FRY: variants seen among roughly 807,000 people sequenced by gnomAD.
The protein encoded by FRY is FRY microtubule binding protein.
In FRY, 128 loss-of-function variants were observed where a neutral mutation model predicts 348.4. The ratio of observed to expected loss-of-function variants is 0.37; its 90% CI spans 0.32 to 0.43. The LOEUF is 0.43. Ranked by LOEUF, FRY falls within the 20% of genes least tolerant of loss-of-function variation. The pLI, the probability that FRY is intolerant of heterozygous loss-of-function variation, is 1.00. For missense variants in FRY, 2,736 were observed against 3,695.2 expected, an observed-to-expected ratio of 0.74 and a Z score of 6.73; for synonymous variants, 1,370 against 1,374.7, an observed-to-expected ratio of 1.00 and a Z score of 0.08.
At chr13:32,250,062 G>T (rs1886999362) in intron 49 of FRY, among the ~76,000 whole-genome samples, 1 of 152,180 alleles carries the variant, frequency 6.6e-6, no homozygotes, top group Non-Finnish European at 1.5e-5. Context: ...GACTCCCAAA[G>T]GGTTGATAGG....
intron 15 of FRY, among the ~76,000 whole-genome samples, chr13:32,156,872 A>T (rs939697952): frequency 3.3e-5 from 5 of 152,184 alleles, no homozygotes; most frequent in Admixed American, 6.5e-5. Flanking sequence ...TCAGAGGGCC[A>T]TATGGAGTTA....
At chr13:32,142,948 G>A (rs1219271414) in intron 11 of FRY, among the ~76,000 whole-genome samples, 4 of 152,154 alleles carry the variant, frequency 2.6e-5, no homozygotes, top group African/African-American at 9.7e-5. Context: ...CAGAGGATTG[G>A]GACAGGAGTA....
At chr13:32,106,002 A>G (rs765365342) in intron 3 of FRY, among the ~76,000 whole-genome samples, 1 of 150,352 alleles carries the variant, frequency 6.7e-6, no homozygotes, top group Non-Finnish European at 1.5e-5. Context: ...ATCTCACCTG[A>G]CATCACTCAG....
intron 17 of FRY, among the ~76,000 whole-genome samples, chr13:32,163,499 T>A (rs1881568229): frequency 6.6e-6 from 1 of 152,146 alleles, no homozygotes; most frequent in Non-Finnish European, 1.5e-5. Context: ...AGACATGTGG[T>A]TAGAGAGAGG....
At chr13:32,036,749 GA>G (rs796779111) in intron 1 of FRY, among the ~76,000 whole-genome samples, 3,548 of 130,406 alleles carry the variant, frequency 0.027, 112 homozygotes, top group African/African-American at 0.087. Flanking sequence ...CATTTTCGAT[GA>G]AAAAAAAAAA....
Position 32,218,755 on chromosome 13 carries a change from T to A in FRY, c.4689T>A (p.Ser1563Arg). 6.3e-7 allele frequency: 1 copy of A among 1,579,130 alleles called. No homozygotes were observed. Among genetic ancestry groups the A allele is most frequent in the Non-Finnish European group, 8.7e-7 (1 of 1,149,414 alleles). The change falls in exon 36 of 61, where the codon AGT becomes AGA. Residue 1563 changes from serine to arginine, a missense_variant. By Grantham distance (110) the Ser-to-Arg change is moderately radical. Around this residue, in one of 9 missense-constraint regions of FRY, gnomAD observed 794 missense variants for 977.0 expected, o/e 0.81. Transcript: ENST00000542859. Reference protein sequence around the residue: ...KILKESDERFSNVIRAHTRLE... With the variant: ...KILKESDERFRNVIRAHTRLE... ...GTTGTTCTTGTATTTGAAGGTTTAGTAATGTCATCAGAGCCCACACTCGCC... is the reference window on the plus strand; with the variant it reads ...GTTGTTCTTGTATTTGAAGGTTTAGAAATGTCATCAGAGCCCACACTCGCC...
At position 32,234,573 on chromosome 13, in the gene FRY, G is replaced by A. The variant is rs1566154707; in HGVS notation, c.5528-1G>A. 1 of 1,613,626 alleles carries A rather than the reference G, an allele frequency of 6.2e-7. No individual in the cohort carries two copies. The highest frequency in any genetic ancestry group is 8.5e-7 in the Non-Finnish European group (1 of 1,179,860). On this transcript the variant is annotated splice_acceptor_variant, in intron 41 of 60. Coordinates refer to ENST00000542859, the MANE Select transcript of FRY (RefSeq NM_023037.3). LOFTEE classifies it high-confidence loss of function. ...CTATTCTGTGGCTCTTGTTACCCTA[G>A]GCTTCCATCTGGAGCACCAGTTGAG...
chr13:32,083,051 T>G (rs1875602339), intron 2 of FRY, among the ~76,000 whole-genome samples: 1 of 152,148 alleles, frequency 6.6e-6, no homozygotes, highest in South Asian at 2.1e-4. Flanking sequence ...TTCCCTCTTC[T>G]CTTTTTCTGG....
chr13:32,070,553 G>T (rs1280855596), intron 1 of FRY, among the ~76,000 whole-genome samples: 1 of 113,378 alleles, frequency 8.8e-6, no homozygotes, highest in African/African-American at 3.1e-5. Flanking sequence ...CCCATTTTTT[G>T]ATGGGTTTTT....
chr13:32,054,522 C>T lies in FRY; in HGVS notation c.70+22657C>T, dbSNP rs1873516254. On this transcript the variant is annotated intron_variant, in intron 1 of 60. Coordinates refer to ENST00000542859, the MANE Select transcript of FRY (RefSeq NM_023037.3). ...ATATCAAGTACGTAGATTTCTGACA[C>T]CTATTTGGGGCAGAGAAATGTGTTA... is the stretch of plus-strand genomic sequence containing the variant. Among the ~76,000 whole-genome samples, 3 of 152,230 alleles carry T rather than the reference C, an allele frequency of 2.0e-5. No individual in the cohort carries two copies. In the South Asian group the frequency reaches 6.2e-4, roughly 32 times the overall value.
intron 2 of FRY, among the ~76,000 whole-genome samples, chr13:32,090,234 G>A (rs1319698729): frequency 6.6e-6 from 1 of 151,228 alleles, no homozygotes; most frequent in Non-Finnish European, 1.5e-5. Context: ...TGTAGTCCCA[G>A]CTACTCGGGA....
intron 8 of FRY, among the ~76,000 whole-genome samples, chr13:32,133,444 A>G (rs1879494885): frequency 1.3e-5 from 2 of 152,218 alleles, no homozygotes; most frequent in African/African-American, 4.8e-5. Context: ...TCCCACTCTC[A>G]TATTAATAAT....
intron 53 of FRY, 36 bp downstream of exon 53, chr13:32,262,511 C>T: frequency 6.6e-7 from 1 of 1,503,922 alleles, no homozygotes; most frequent in East Asian, 2.3e-5. Flanking sequence ...TTGTACTTCC[C>T]TTAAAACCCT....
chr13:32,090,520 T>C (rs1334521152), intron 2 of FRY, among the ~76,000 whole-genome samples: 1 of 152,054 alleles, frequency 6.6e-6, no homozygotes, highest in African/African-American at 2.4e-5. Flanking sequence ...AGCCATGTCC[T>C]GAAGGAGATA....
At chr13:32,133,764 C>CTTTTTTTTTT (rs1259372646) in intron 8 of FRY, among the ~76,000 whole-genome samples, 22 of 108,464 alleles carry the variant, frequency 2.0e-4, no homozygotes, top group South Asian at 3.0e-4. Flanking sequence ...TTCTTTCTTT[C>CTTTTTTTTTT]TTTCTTTTTT....
At chr13:32,273,822 T>C (rs1479405809) in intron 55 of FRY, among the ~76,000 whole-genome samples, 1 of 152,160 alleles carries the variant, frequency 6.6e-6, no homozygotes, top group Non-Finnish European at 1.5e-5. Context: ...CAAGGAAAAC[T>C]CAGACTCTGA....
chr13:32,106,566 T>G (rs1566074346), intron 3 of FRY, among the ~76,000 whole-genome samples: 1 of 152,230 alleles, frequency 6.6e-6, no homozygotes, highest in Non-Finnish European at 1.5e-5. Flanking sequence ...CCATTGCATC[T>G]GTATTCCAGG....
Position 32,247,423 on chromosome 13 carries a change from T to A in FRY, c.6929T>A (p.Ile2310Lys). The change falls in exon 48 of 61, where the codon ATA (isoleucine) becomes AAA (lysine). Residue 2310 changes from isoleucine (I) to lysine (K), a missense_variant. Around this residue, in one of 9 missense-constraint regions of FRY, gnomAD observed 789 missense variants for 996.2 expected, o/e 0.79. Transcript: ENST00000542859. ...PSYQHSDLSK[I>K]EIHRVWTSAS... ...TACCAGCACAGTGACCTCTCAAAAA[T>A]AGAAATACATCGAGTGTGGACTAGT... The A allele has an allele frequency of 6.2e-7, 1 of 1,613,514 alleles. No individual in the cohort carries two copies. Among genetic ancestry groups the A allele is most frequent in the Admixed American group, 1.7e-5 (1 of 60,016 alleles).
Position 32,244,162 on chromosome 13 carries a change from A to T in FRY, c.6808A>T (p.Thr2270Ser). ...ACAGTTCAATGTGGAAGTTCTGAAG[A>T]CAATTGAAAAATATGTGCAAGTGAG... is the stretch of plus-strand genomic sequence containing the variant. ...VKQFNVEVLK[T>S]IEKYVQSVHW... is the part of the protein sequence containing the mutation. Residue 2270 changes from threonine (T) to serine (S), a missense_variant, in exon 47 of 61, where the codon ACA (threonine) becomes TCA (serine). This residue lies in a region of FRY where 789 missense variants were observed against 996.2 expected (regional missense o/e 0.79). Transcript: ENST00000542859. 6.2e-7 allele frequency: 1 copy of T among 1,613,928 alleles called. No homozygotes were observed. The highest frequency in any genetic ancestry group is 8.5e-7 in the Non-Finnish European group (1 of 1,179,822).
Sources: gnomAD v4.1 joint callset for allele counts (sites outside exome capture counted in the v4.1 genomes callset) on GRCh38, gnomAD v4.1.1 for gene constraint, gnomAD v4.1.1 regional missense constraint, MANE v1.5 for transcripts, NCBI Gene and HGNC (gene_info 2026-07-23, HGNC 2026-07-21) for gene names.